ROBO2: variants seen among roughly 807,000 people sequenced by gnomAD.
The protein encoded by ROBO2 is roundabout homolog 2.
ROBO2 carries 53 observed loss-of-function variants against 160.8 expected under a neutral mutation model. That is an observed-to-expected ratio of 0.33 (90% CI 0.26 to 0.41). The LOEUF (loss-of-function observed/expected upper bound fraction) is 0.41, where lower values mean the gene tolerates loss of function less well. Among genes scored for constraint, ROBO2 ranks in the 10% least tolerant of loss-of-function variants. ROBO2 has a pLI of 1.00. For missense variants in ROBO2, 1,577 were observed against 1,722.4 expected (o/e 0.92, Z 1.49); for synonymous variants, 664 against 611.7 (o/e 1.09, Z -1.26).
intron 2 of ROBO2, among the ~76,000 whole-genome samples, chr3:76,023,004 A>G (rs2066620156): frequency 6.6e-6 from 1 of 151,830 alleles, no homozygotes; most frequent in South Asian, 2.1e-4. Context: ...TAAAGCTTCT[A>G]TATCAGCACA....
At position 77,016,779 on chromosome 3, in the gene ROBO2, C is replaced by G. The variant is rs1444376083; in HGVS notation, c.110-81235C>G. 2.0e-5 allele frequency among the ~76,000 whole-genome samples: 3 copies of G among 152,168 alleles called. No homozygotes were observed. In the South Asian group the frequency reaches 6.2e-4, roughly 31 times the overall value. On this transcript the variant is annotated intron_variant, in intron 2 of 26. Transcript: ENST00000487694. ...ATCTGGAAGTATACGTCACTAAAAT[C>G]TCAAGCCTTTTCTCTTGTACCATGC...
chr3:76,382,526 G>A (rs531681725), intron 2 of ROBO2, among the ~76,000 whole-genome samples: 5 of 152,360 alleles, frequency 3.3e-5, no homozygotes, highest in African/African-American at 1.2e-4. Flanking sequence ...GGCGGAGCTT[G>A]CAGTGAGCCG....
chr3:76,133,359 T>C (rs2071302910), intron 2 of ROBO2, among the ~76,000 whole-genome samples: 1 of 151,622 alleles, frequency 6.6e-6, no homozygotes, highest in Non-Finnish European at 1.5e-5. Flanking sequence ...CACTCAAATA[T>C]ATATTTTCTC....
rs532187822 is a variant in ROBO2, at chr3:76,498,298, C to T, written c.109+560696C>T. ...GTATTTGAGTGGTAGTTGCTGGGGG[C>T]GCAGTAGGGTGTGGGGTTGGAGAGG... On this transcript the variant is annotated intron_variant, in intron 2 of 26. Coordinates refer to the ROBO2 transcript ENST00000487694. 1.4e-4 allele frequency among the ~76,000 whole-genome samples: 22 copies of T among 152,040 alleles called. 1 individual carries two copies. The South Asian group carries it at 2.1e-3, about 14-fold the overall frequency.
chr3:76,995,412 C>T (rs1468216942), intron 2 of ROBO2, among the ~76,000 whole-genome samples: 6 of 152,034 alleles, frequency 3.9e-5, no homozygotes, highest in Non-Finnish European at 7.4e-5. Flanking sequence ...AATAAACATA[C>T]GCGTGCATGT....
At chr3:76,189,680 T>C (rs1381647471) in intron 2 of ROBO2, among the ~76,000 whole-genome samples, 1 of 152,122 alleles carries the variant, frequency 6.6e-6, no homozygotes, top group East Asian at 1.9e-4. Flanking sequence ...TTAAATACTT[T>C]ATGCTCAGCA....
At chr3:77,167,688 A>T (rs943573642) in intron 2 of ROBO2, among the ~76,000 whole-genome samples, 3 of 152,304 alleles carry the variant, frequency 2.0e-5, no homozygotes, top group Middle Eastern at 6.8e-3. Flanking sequence ...AGATATTTAA[A>T]AAACATTGTA....
chr3:76,627,710 T>C (rs2089749855), intron 2 of ROBO2, among the ~76,000 whole-genome samples: 1 of 152,160 alleles, frequency 6.6e-6, no homozygotes, highest in Non-Finnish European at 1.5e-5. Flanking sequence ...TGAGAGGATG[T>C]GTTTGGAAGG....
intron 2 of ROBO2, among the ~76,000 whole-genome samples, chr3:76,108,558 T>C (rs1184722151): frequency 2.0e-5 from 3 of 151,888 alleles, no homozygotes; most frequent in Non-Finnish European, 4.4e-5. Flanking sequence ...ATTATATCTA[T>C]ACTATGGATA....
intron 2 of ROBO2, among the ~76,000 whole-genome samples, chr3:76,430,426 T>C (rs1208518351): frequency 6.6e-6 from 1 of 152,192 alleles, no homozygotes; most frequent in Non-Finnish European, 1.5e-5. Flanking sequence ...AAATGCCAGC[T>C]GTTTTACACT....
intron 2 of ROBO2, among the ~76,000 whole-genome samples, chr3:77,232,978 C>A (rs1313999685): frequency 6.6e-6 from 1 of 152,024 alleles, no homozygotes; most frequent in Non-Finnish European, 1.5e-5. Context: ...ATACCAGTTG[C>A]ATCTGAGGCA....
chr3:77,317,154 C>T, intron 2 of ROBO2: 2 of 1,027,248 alleles, frequency 1.9e-6, no homozygotes, highest in Non-Finnish European at 3.1e-6. Context: ...ATCTGGTACC[C>T]AGCCAGCCAG....
At chr3:76,830,403 TTC>T (rs2066977286) in intron 2 of ROBO2, among the ~76,000 whole-genome samples, 1 of 152,170 alleles carries the variant, frequency 6.6e-6, no homozygotes, top group African/African-American at 2.4e-5. Flanking sequence ...TTTCTAGTTT[TTC>T]TCTTTCTTTT....
At chr3:76,312,071 C>A (rs1396699048) in intron 2 of ROBO2, among the ~76,000 whole-genome samples, 1 of 152,092 alleles carries the variant, frequency 6.6e-6, no homozygotes, top group Admixed American at 6.6e-5. Context: ...CCCCGAATGC[C>A]ATTTGTTTAT....
rs559752197 is a variant in ROBO2 at position 76,855,157 on chromosome 3, T to C, written c.110-242857T>C. Among the ~76,000 whole-genome samples the C allele has an allele frequency of 7.2e-5, 11 of 152,336 alleles. No individual in the cohort carries two copies. The East Asian group carries it at 1.7e-3, about 24-fold the overall frequency. On this transcript the variant is annotated intron_variant, in intron 2 of 26. Coordinates refer to the ROBO2 transcript ENST00000487694. ...AACATGCCTAAGCAAACATTTTATA[T>C]GGTTTCTCATTTCTAAGCCTTCAAA...
chr3:76,524,826 TAAAAAAAA>T (rs58091252), intron 2 of ROBO2, among the ~76,000 whole-genome samples: 1,967 of 21,100 alleles, frequency 0.093, 34 homozygotes, highest in East Asian at 0.18. Context: ...CTCTTATTCC[TAAAAAAAA>T]AAAAAAAAAA....
At chr3:75,985,722 T>G (rs1421047576) in intron 2 of ROBO2, among the ~76,000 whole-genome samples, 1 of 151,598 alleles carries the variant, frequency 6.6e-6, no homozygotes, top group African/African-American at 2.4e-5. Context: ...TTAATCAATA[T>G]ATATCTCTAG....
intron 2 of ROBO2, among the ~76,000 whole-genome samples, chr3:77,432,039 G>A (rs2078825483): frequency 6.6e-6 from 1 of 152,152 alleles, no homozygotes; most frequent in East Asian, 1.9e-4. Flanking sequence ...ACCAGGCTGA[G>A]CAATTTTCTC....
intron 1 of ROBO2, among the ~76,000 whole-genome samples, chr3:77,083,727 C>T (rs2068938734): frequency 6.6e-6 from 1 of 152,004 alleles, no homozygotes; most frequent in Admixed American, 6.6e-5. Flanking sequence ...AGTTAAACCC[C>T]ACAACCGGGA....
Sources: allele counts gnomAD v4.1 joint callset (sites outside exome capture counted in the v4.1 genomes callset), GRCh38; gene constraint gnomAD v4.1.1; transcripts MANE v1.5; gene names NCBI Gene and HGNC (gene_info 2026-07-23, HGNC 2026-07-21).